Variants in SMC1B observed in about 807,000 individuals in gnomAD.
The protein encoded by SMC1B is structural maintenance of chromosomes 1B.
In SMC1B, 60 loss-of-function variants were observed where a neutral mutation model predicts 157.9. The ratio of observed to expected loss-of-function variants is 0.38; its 90% CI spans 0.31 to 0.47. The LOEUF is 0.47. SMC1B is among the 20% of genes least tolerant of loss of function. SMC1B has a pLI of 0.99. For missense variants in SMC1B, 1,165 were observed against 1,426.2 expected, an observed-to-expected ratio of 0.82 and a Z score of 2.95; for synonymous variants, 445 against 483.0, an observed-to-expected ratio of 0.92 and a Z score of 1.03.
chr22:45,353,913 A>AAAC, intron 21 of SMC1B, 65 bp downstream of exon 21: 1 of 757,826 alleles, frequency 1.3e-6, no homozygotes, highest in African/African-American at 1.7e-5. Context: ...AAAAAAAAAA[A>AAAC]AAAAAAACAA....
At chr22:45,393,874 G>A (rs759253763) in intron 8 of SMC1B, 33 bp from the exon 9 acceptor site, 1 of 1,516,244 alleles carries the variant, frequency 6.6e-7, no homozygotes, top group Non-Finnish European at 9.0e-7. Flanking sequence ...ACAGCAAAAT[G>A]ATAAACCAAA....
intron 4 of SMC1B, among the ~76,000 whole-genome samples, chr22:45,404,073 C>A (rs1352909570): frequency 1.3e-5 from 2 of 152,210 alleles, no homozygotes; most frequent in East Asian, 3.8e-4. Flanking sequence ...TCCTGAGTAG[C>A]TGGGATTACA....
At position 45,399,345 on chromosome 22, in the gene SMC1B, T is replaced by TC; in HGVS notation, c.862dup (p.Glu288GlyfsTer13). The TC allele has an allele frequency of 6.3e-7, 1 of 1,596,316 alleles. No individual in the cohort carries two copies. Among genetic ancestry groups the TC allele is most frequent in the Non-Finnish European group, 8.5e-7 (1 of 1,175,344 alleles). ...AGGCCTCTTCTGATTTAAAAGGGTT[T>TC]CAACCGATCTGAAAAGGGAAAAATG... On this transcript the variant is annotated frameshift_variant, in exon 6 of 25. Transcript: ENST00000357450. LOFTEE classifies it high-confidence loss of function.
At chr22:45,386,056 T>G (rs2086986229) in intron 11 of SMC1B, among the ~76,000 whole-genome samples, 1 of 152,070 alleles carries the variant, frequency 6.6e-6, no homozygotes, top group Non-Finnish European at 1.5e-5. Flanking sequence ...TTTTTCATGT[T>G]ATTACTTAAT....
At chr22:45,373,075 A>G (rs1262921133) in intron 12 of SMC1B, among the ~76,000 whole-genome samples, 1 of 152,184 alleles carries the variant, frequency 6.6e-6, no homozygotes, top group Non-Finnish European at 1.5e-5. Flanking sequence ...GAATCTACCT[A>G]TAACTTGGAA....
chr22:45,363,532 T>C (rs2086741684), intron 15 of SMC1B, among the ~76,000 whole-genome samples: 1 of 151,984 alleles, frequency 6.6e-6, no homozygotes, highest in Non-Finnish European at 1.5e-5. Context: ...AATACAACAA[T>C]TATCCAGGCT....
chr22:45,365,765 A>G (rs2086769924), intron 15 of SMC1B, among the ~76,000 whole-genome samples: 2 of 152,154 alleles, frequency 1.3e-5, no homozygotes, highest in Non-Finnish European at 2.9e-5. Flanking sequence ...CAACTAGCAA[A>G]AGCATCATAA....
At chr22:45,382,902 G>A (rs2086950458) in intron 12 of SMC1B, among the ~76,000 whole-genome samples, 1 of 152,184 alleles carries the variant, frequency 6.6e-6, no homozygotes, top group South Asian at 2.1e-4. Flanking sequence ...GGGAGGCCAA[G>A]GCAGGCGGAT....
At chr22:45,400,276 G>A (rs2087177131) in intron 5 of SMC1B, among the ~76,000 whole-genome samples, 1 of 152,044 alleles carries the variant, frequency 6.6e-6, no homozygotes, top group Non-Finnish European at 1.5e-5. Context: ...GGGGCAAGCT[G>A]ATGCTTGGAC....
intron 23 of SMC1B, among the ~76,000 whole-genome samples, chr22:45,348,289 C>T (rs771030167): frequency 5.9e-5 from 9 of 152,150 alleles, no homozygotes; most frequent in African/African-American, 9.7e-5. Context: ...TGGTGGCTGA[C>T]GCCTGTAATC....
intron 12 of SMC1B, among the ~76,000 whole-genome samples, chr22:45,379,441 T>G (rs1454726150): frequency 6.6e-6 from 1 of 152,192 alleles, no homozygotes; most frequent in African/African-American, 2.4e-5. Context: ...GCTTTTGTTT[T>G]ATTCTTTTCA....
At chr22:45,375,850 A>G (rs1196682467) in intron 12 of SMC1B, among the ~76,000 whole-genome samples, 1 of 152,164 alleles carries the variant, frequency 6.6e-6, no homozygotes, top group Non-Finnish European at 1.5e-5. Context: ...TAGATATTAT[A>G]TATTTATACT....
chr22:45,364,257 T>A (rs1472003153), intron 15 of SMC1B, among the ~76,000 whole-genome samples: 1 of 152,152 alleles, frequency 6.6e-6, no homozygotes, highest in Non-Finnish European at 1.5e-5. Flanking sequence ...GCTCATCCTT[T>A]CCATGCTCAC....
intron 15 of SMC1B, among the ~76,000 whole-genome samples, chr22:45,363,559 C>T (rs1299864853): frequency 6.6e-6 from 1 of 152,120 alleles, no homozygotes; most frequent in East Asian, 1.9e-4. Context: ...CGTGTACCTA[C>T]AGTCCCAGCT....
chr22:45,389,077 G>C (rs1296730436), intron 10 of SMC1B, among the ~76,000 whole-genome samples: 1 of 151,660 alleles, frequency 6.6e-6, no homozygotes, highest in African/African-American at 2.4e-5. Context: ...GTAGGGCTGA[G>C]ATTCAAACTC....
intron 18 of SMC1B, among the ~76,000 whole-genome samples, chr22:45,359,289 A>G (rs2086698631): frequency 6.6e-6 from 1 of 152,188 alleles, no homozygotes; most frequent in African/African-American, 2.4e-5. Context: ...AGTGTCCTGT[A>G]TAATCCAAAT....
chr22:45,396,797 G>T (rs2087130005), intron 6 of SMC1B, among the ~76,000 whole-genome samples: 1 of 151,954 alleles, frequency 6.6e-6, no homozygotes, highest in Non-Finnish European at 1.5e-5. Context: ...GGGCTCAAGT[G>T]TTTATCTTAT....
chr22:45,385,769 A>G (rs1271648665), intron 11 of SMC1B, among the ~76,000 whole-genome samples: 2 of 152,202 alleles, frequency 1.3e-5, no homozygotes, highest in African/African-American at 2.4e-5. Flanking sequence ...ACACTTAATA[A>G]CTTACTACCC....
At chr22:45,409,421 C>T (rs1047759164) in intron 1 of SMC1B, among the ~76,000 whole-genome samples, 12 of 151,824 alleles carry the variant, frequency 7.9e-5, no homozygotes, top group South Asian at 4.2e-4. Flanking sequence ...AAAAAATAGC[C>T]GAGCTTGGTG....
Sources: allele counts gnomAD v4.1 joint callset (sites outside exome capture counted in the v4.1 genomes callset), GRCh38; gene constraint gnomAD v4.1.1; transcripts MANE v1.5; gene names NCBI Gene and HGNC (gene_info 2026-07-23, HGNC 2026-07-21).